The following PLEKHO2 variants were observed in gnomAD, a reference collection of about 807,000 sequenced individuals.
The protein encoded by PLEKHO2 is pleckstrin homology domain containing O2.
PLEKHO2 carries 20 observed loss-of-function variants against 32.7 expected under a neutral mutation model. The ratio of observed to expected loss-of-function variants is 0.61; its 90% CI spans 0.43 to 0.89. PLEKHO2 has a LOEUF of 0.89. Ranked by LOEUF, PLEKHO2 falls within the 40% of genes least tolerant of loss-of-function variation. The pLI is 0.00. For missense variants in PLEKHO2, 568 were observed against 621.2 expected (o/e 0.91, Z 0.91); for synonymous variants, 247 against 246.3 (o/e 1.00, Z -0.03).
rs2084597672 is a variant in PLEKHO2, at chr15:64,855,037, G to C, written c.279G>C (p.Lys93Asn). 17 of 1,577,002 alleles carry C rather than the reference G, an allele frequency of 1.1e-5. No homozygotes were observed. The highest frequency in any genetic ancestry group is 1.2e-5 in the Non-Finnish European group (14 of 1,160,100). The change falls in exon 3 of 6, where the codon AAG becomes AAC. Residue 93 changes from lysine (K) to asparagine (N), a missense_variant and splice_region_variant. Physicochemically the swap from Lys to Asn is moderately conservative, Grantham distance 94 (BLOSUM62 0). Coordinates refer to ENST00000323544, the MANE Select transcript of PLEKHO2 (RefSeq NM_025201.5). ...TCCTGCTGCGATCCCCAGGGAACAA[G>C]GTAGGGCGATGCCTGCTGCTGCCCC... ...RFILLRSPGN[K>N]VSDIKFQAPT... is the part of the protein sequence containing the mutation.
intron 5 of PLEKHO2, among the ~76,000 whole-genome samples, chr15:64,863,494 A>C (rs918384978): frequency 3.4e-5 from 5 of 144,968 alleles, no homozygotes; most frequent in African/African-American, 1.3e-4. Flanking sequence ...AGAAGAGTTC[A>C]GGGAGGCGCT....
At position 64,842,022 on chromosome 15, in the gene PLEKHO2, G is replaced by A. The variant is rs201633413; in HGVS notation, c.6G>A (p.Glu2=). M[E]EEGVKEAGEK... ...GGGACCTCGGCGGACTCGCCATGGA[G>A]GAGGAGGTGAGGGCGGGGCCCGGCG... Residue 2 remains glutamate, a synonymous_variant, in exon 1 of 6, where the codon GAG becomes GAA. Transcript: ENST00000323544. The A allele has an allele frequency of 1.6e-5, 20 of 1,243,120 alleles. No homozygotes were observed. The highest frequency in any genetic ancestry group is 4.2e-5 in the Admixed American group (1 of 23,808). 77.0% of individuals were successfully genotyped at this position (1,243,120 alleles called of 1,614,324 possible). A position where few individuals can be genotyped will look rare whatever the true frequency, so the allele number is the denominator to read the frequency against.
chr15:64,849,087 CCT>C (rs2084546205), intron 2 of PLEKHO2, among the ~76,000 whole-genome samples: 2 of 148,494 alleles, frequency 1.3e-5, no homozygotes, highest in African/African-American at 5.0e-5. Context: ...CAAAGCAATT[CCT>C]CTGTCTTAGC....
rs781040665 is a variant in PLEKHO2, at chr15:64,861,516, C to T, written c.424C>T (p.Arg142Trp). Reference protein sequence around the residue: ...DKSCALEHVTRDRVRGGQRRR... With the variant: ...DKSCALEHVTWDRVRGGQRRR... ...GAGCTGCGCCCTGGAGCATGTGACA[C>T]GGGACCGGGTGCGAGGGGGCCAGCG... The change falls in exon 5 of 6, where the codon CGG becomes TGG. Residue 142 changes from arginine (R) to tryptophan (W), a missense_variant. Physicochemically the swap from Arg to Trp is moderately radical, Grantham distance 101 (BLOSUM62 -3). Transcript: ENST00000323544. 16 of 1,608,896 alleles carry T rather than the reference C, an allele frequency of 9.9e-6. No homozygotes were observed. Among genetic ancestry groups the T allele is most frequent in the South Asian group, 5.6e-5 (5 of 89,982 alleles).
At chr15:64,863,813 G>A (rs947940187) in intron 5 of PLEKHO2, among the ~76,000 whole-genome samples, 1 of 150,570 alleles carries the variant, frequency 6.6e-6, no homozygotes, top group Non-Finnish European at 1.5e-5. Flanking sequence ...GCATGATCTC[G>A]GCTCACTGCA....
chr15:64,845,214 C>CTTT (rs771584682), intron 1 of PLEKHO2, among the ~76,000 whole-genome samples: 8 of 121,274 alleles, frequency 6.6e-5, no homozygotes, highest in South Asian at 2.8e-4. Context: ...GACCTGGCTT[C>CTTT]TTTTTTTTTT....
In PLEKHO2 at chr15:64,859,827, C is replaced by T. The variant is rs537220064; in HGVS notation, c.280-67C>T. ...GACTTTGGGATCTAGGTAAGGAAGC[C>T]TCCTTAAGATGCCAAATGTGAGCTT... On this transcript the variant is annotated intron_variant, in intron 3 of 5. Transcript: ENST00000323544. The T allele has an allele frequency of 1.8e-5, 25 of 1,362,760 alleles. No individual in the cohort carries two copies. In the East Asian group the frequency reaches 5.0e-4, roughly 28 times the overall value. The allele number at this position is 1,362,760 out of a possible 1,614,324, so 84.4% of individuals were successfully genotyped here.
At chr15:64,847,810 G>C (rs746798536) in intron 1 of PLEKHO2, among the ~76,000 whole-genome samples, 1 of 152,198 alleles carries the variant, frequency 6.6e-6, no homozygotes, top group Non-Finnish European at 1.5e-5. Context: ...GCCTGGAGTG[G>C]GGAGGAGGGG....
intron 2 of PLEKHO2, among the ~76,000 whole-genome samples, chr15:64,853,510 G>T (rs1245199161): frequency 1.3e-5 from 2 of 151,882 alleles, no homozygotes; most frequent in African/African-American, 4.8e-5. Context: ...TGGCCAGTAT[G>T]GTCTCGATCT....
chr15:64,848,569 G>A (rs1366313397), intron 1 of PLEKHO2, 24 bp from the exon 2 acceptor site: 2 of 1,613,946 alleles, frequency 1.2e-6, no homozygotes, highest in Non-Finnish European at 8.5e-7. Context: ...AACCCTCATG[G>A]TATGAACTGG....
intron 1 of PLEKHO2, among the ~76,000 whole-genome samples, chr15:64,844,932 T>A (rs2084511824): frequency 6.6e-6 from 1 of 152,216 alleles, no homozygotes; most frequent in Non-Finnish European, 1.5e-5. Context: ...GACAGGGGAC[T>A]TATCTTATAC....
intron 3 of PLEKHO2, among the ~76,000 whole-genome samples, chr15:64,858,923 C>T (rs1431447206): frequency 3.3e-5 from 5 of 152,132 alleles, no homozygotes; most frequent in African/African-American, 1.2e-4. Flanking sequence ...ATAATAATGC[C>T]CCATTGCCCC....
chr15:64,849,337 A>G (rs990015947), intron 2 of PLEKHO2, among the ~76,000 whole-genome samples: 1 of 152,072 alleles, frequency 6.6e-6, no homozygotes, highest in Non-Finnish European at 1.5e-5. Context: ...TAGTAGAGAC[A>G]GGGTTTCACC....
chr15:64,864,627 C>A (rs1180208491), intron 5 of PLEKHO2, among the ~76,000 whole-genome samples: 1 of 152,206 alleles, frequency 6.6e-6, no homozygotes, highest in African/African-American at 2.4e-5. Flanking sequence ...AGAAACCAGC[C>A]TGGGGCTCCA....
At position 64,865,368 on chromosome 15, in the gene PLEKHO2, C is replaced by T. The variant is rs933946856; in HGVS notation, c.953C>T (p.Ser318Leu). 6.2e-7 allele frequency: 1 copy of T among 1,613,746 alleles called. No individual in the cohort carries two copies. Among genetic ancestry groups the T allele is most frequent in the Non-Finnish European group, 8.5e-7 (1 of 1,179,736 alleles). ...CCTACACCCCCACCCAAGATCTTAT[C>T]AGAGAAACTGAAAGCCTCCATGGGT... is the stretch of plus-strand genomic sequence containing the variant. ...KPPTPPPKILSEKLKASMGEM... is the reference protein window; with the variant it reads ...KPPTPPPKILLEKLKASMGEM... The change falls in exon 6 of 6, where the codon TCA becomes TTA. Residue 318 changes from serine (S) to leucine (L), a missense_variant. By Grantham distance (145) the Ser-to-Leu change is moderately radical. Transcript: ENST00000323544.
At chr15:64,847,740 G>C (rs2084533398) in intron 1 of PLEKHO2, among the ~76,000 whole-genome samples, 1 of 152,218 alleles carries the variant, frequency 6.6e-6, no homozygotes. Flanking sequence ...GTGCCAGCCT[G>C]TGGTCAAAGA....
At chr15:64,844,002 C>T (rs28594795) in intron 1 of PLEKHO2, among the ~76,000 whole-genome samples, 18,112 of 152,198 alleles carry the variant, frequency 0.12, 3,355 homozygotes, top group African/African-American at 0.39. Context: ...CTTCCTTTCC[C>T]TACTCCCCTT....
rs1044676830 is a variant in PLEKHO2, at chr15:64,864,963, C to T, written c.548C>T (p.Pro183Leu). 1 of 1,614,098 alleles carries T rather than the reference C, an allele frequency of 6.2e-7. No homozygotes were observed. The highest frequency in any genetic ancestry group is 1.1e-5 in the South Asian group (1 of 91,080). Residue 183 changes from proline (P) to leucine (L), a missense_variant, in exon 6 of 6, where the codon CCA becomes CTA. Pro to Leu is a moderately conservative substitution (Grantham distance 98). Transcript: ENST00000323544. ...CTTGATGTTCCGGACAGTGGGCCAC[C>T]AGTGTTTGCCCCCAGCAATCATGTC... ...LDLDVPDSGP[P>L]VFAPSNHVSE... is the part of the protein sequence containing the mutation.
At chr15:64,853,450 G>A (rs12439870) in intron 2 of PLEKHO2, among the ~76,000 whole-genome samples, 106,786 of 151,116 alleles carry the variant, frequency 0.71, 38,535 homozygotes, top group East Asian at 0.94. Context: ...CTAACTGCCC[G>A]GCTAATTTTT....
Sources: gnomAD v4.1 joint callset for allele counts (sites outside exome capture counted in the v4.1 genomes callset) on GRCh38, gnomAD v4.1.1 for gene constraint, MANE v1.5 for transcripts, NCBI Gene and HGNC (gene_info 2026-07-23, HGNC 2026-07-21) for gene names.